KIF1B: variants seen among roughly 807,000 people sequenced by gnomAD.
KIF1B encodes the protein kinesin-like protein KIF1B.
A neutral mutation model predicts 241.9 loss-of-function variants in KIF1B; 76 were observed. That is an observed-to-expected ratio of 0.31 (90% CI 0.26 to 0.38). The LOEUF is 0.38. Among genes scored for constraint, KIF1B ranks in the 10% least tolerant of loss-of-function variants. KIF1B has a pLI of 1.00. For missense variants in KIF1B, 1,622 were observed against 2,271.4 expected (o/e 0.71, Z 5.81); for synonymous variants, 750 against 796.7 (o/e 0.94, Z 0.99).
intron 8 of KIF1B, 55 bp from the exon 9 acceptor site, chr1:10,272,186 A>G (rs1019790494): frequency 8.8e-6 from 9 of 1,025,614 alleles, no homozygotes; most frequent in Non-Finnish European, 1.4e-5. Context: ...GTTCTGTATG[A>G]TATAGCAGTA....
At chr1:10,302,266 T>C (rs1425858959) in intron 22 of KIF1B, among the ~76,000 whole-genome samples, 1 of 152,190 alleles carries the variant, frequency 6.6e-6, no homozygotes, top group Non-Finnish European at 1.5e-5. Context: ...TTGATTTGTG[T>C]GTGTGAAAAA....
chr1:10,215,199 G>T (rs1383534909), intron 1 of KIF1B, among the ~76,000 whole-genome samples: 1 of 90,384 alleles, frequency 1.1e-5, no homozygotes, highest in African/African-American at 4.6e-5. Flanking sequence ...TTTTTGAGAC[G>T]GAGTTTCACT....
At chr1:10,276,652 A>G (rs1177998529) in intron 12 of KIF1B, among the ~76,000 whole-genome samples, 1 of 152,240 alleles carries the variant, frequency 6.6e-6, no homozygotes, top group African/African-American at 2.4e-5. Context: ...TAGATAAGGC[A>G]GGAGCTTTTT....
At chr1:10,283,815 T>G (rs1649554012) in intron 15 of KIF1B, among the ~76,000 whole-genome samples, 1 of 152,262 alleles carries the variant, frequency 6.6e-6, no homozygotes, top group Non-Finnish European at 1.5e-5. Flanking sequence ...GCCAGCAGTC[T>G]TCTTCACAGT....
rs70998362 is a variant in KIF1B at position 10,216,957 on chromosome 1, C to CTTTTTTT, written c.-80+6107_-80+6113dup. ...TTTCCCTGCAGTACTTGCCCATTTT[C>CTTTTTTT]TTTTTTTTTTTTTTTTTTTTTTTTT... On this transcript the variant is annotated intron_variant, in intron 1 of 48. Coordinates refer to ENST00000676179, the MANE Select transcript of KIF1B (RefSeq NM_001365951.3). Among the ~76,000 whole-genome samples, 298 of 54,548 alleles carry CTTTTTTT rather than the reference C, an allele frequency of 5.5e-3. 19 individuals are homozygous for CTTTTTTT. The highest frequency in any genetic ancestry group is 0.018 in the East Asian group (21 of 1,172). The allele number at this position is 54,548 out of a possible 152,430, so 35.8% of individuals were successfully genotyped here.
intron 7 of KIF1B, among the ~76,000 whole-genome samples, chr1:10,270,801 C>T (rs1462981580): frequency 1.3e-5 from 2 of 151,810 alleles, no homozygotes; most frequent in African/African-American, 4.8e-5. Context: ...TGGTGGGCGC[C>T]TGTAAGCTCA....
rs575285640 is a variant in KIF1B, at chr1:10,230,593, A to G, written c.-79-1657A>G. ...TGGGATTACAGGTGTGTGCCACCAC[A>G]CCTGGTTAATTTTTGTATTTTTAAT... On this transcript the variant is annotated intron_variant, in intron 1 of 48. Transcript: ENST00000676179. Among the ~76,000 whole-genome samples, 5 of 151,878 alleles carry G rather than the reference A, an allele frequency of 3.3e-5. No homozygotes were observed. The South Asian group carries it at 1.0e-3, about 32-fold the overall frequency.
At position 10,303,339 on chromosome 1, in the gene KIF1B, C is replaced by G. The variant is rs760626976; in HGVS notation, c.2115+6093C>G. The G allele has an allele frequency of 6.2e-7, 1 of 1,614,138 alleles. No individual in the cohort carries two copies. The highest frequency in any genetic ancestry group is 8.5e-7 in the Non-Finnish European group (1 of 1,180,032). On this transcript the variant is annotated intron_variant, in intron 22 of 48. Coordinates refer to ENST00000676179, the MANE Select transcript of KIF1B (RefSeq NM_001365951.3). This position sits in a 1 kb window ranked among gnomAD's most constrained non-coding sequence, Gnocchi z 5.2. Reference sequence around the variant, plus strand: ...AACCAATTAAAATGTATCAGATACCCCAAAGAAGGCGCTTGAGTAAAGATT... The same window carrying G: ...AACCAATTAAAATGTATCAGATACCGCAAAGAAGGCGCTTGAGTAAAGATT...
chr1:10,275,942 G>C (rs912506343), intron 11 of KIF1B, among the ~76,000 whole-genome samples: 17 of 145,822 alleles, frequency 1.2e-4, no homozygotes, highest in African/African-American at 4.3e-4. Flanking sequence ...AGTTCGTGCT[G>C]TTGCCCAGGC....
At chr1:10,236,877 TG>T in intron 2 of KIF1B, among the ~76,000 whole-genome samples, 1 of 152,202 alleles carries the variant, frequency 6.6e-6, no homozygotes, top group Non-Finnish European at 1.5e-5. Flanking sequence ...GAAGTGGGCA[TG>T]CATTTTGAAC....
chr1:10,226,373 T>TGG, intron 1 of KIF1B, among the ~76,000 whole-genome samples: 1 of 152,240 alleles, frequency 6.6e-6, no homozygotes, highest in African/African-American at 2.4e-5. Flanking sequence ...TGTGTATGTA[T>TGG]GGGGACATTA....
intron 2 of KIF1B, among the ~76,000 whole-genome samples, chr1:10,236,956 C>T (rs1017162094): frequency 6.6e-6 from 1 of 152,010 alleles, no homozygotes; most frequent in African/African-American, 2.4e-5. Flanking sequence ...GCTTTGCTGG[C>T]AAGCTGGCCT....
chr1:10,268,119 C>G (rs755900709), intron 6 of KIF1B, 33 bp from the exon 7 acceptor site: 1 of 1,429,798 alleles, frequency 7.0e-7, no homozygotes, highest in Admixed American at 1.7e-5. Flanking sequence ...CTAAGAATTC[C>G]CTTGTCACGT....
chr1:10,372,662 AGCTGTCACCCAAGCT>A (rs1288183403), intron 45 of KIF1B, among the ~76,000 whole-genome samples: 1 of 113,750 alleles, frequency 8.8e-6, no homozygotes, highest in Non-Finnish European at 1.8e-5. Flanking sequence ...TGGGTGACAG[AGCTGTCACCCAAGCT>A]GGCGCGCAGC....
chr1:10,343,810 A>G (rs535757566), intron 34 of KIF1B, among the ~76,000 whole-genome samples: 184 of 152,286 alleles, frequency 1.2e-3, no homozygotes, highest in African/African-American at 4.2e-3. Context: ...ACAAGAAGTA[A>G]GAAACAATAG....
chr1:10,334,637 A>C lies in KIF1B; in HGVS notation c.3042A>C (p.Ala1014=), dbSNP rs748192983. 1.1e-4 allele frequency: 185 copies of C among 1,610,390 alleles called. No individual in the cohort carries two copies. The highest frequency in any genetic ancestry group is 1.5e-4 in the Non-Finnish European group (181 of 1,176,792). The change falls in exon 28 of 49, where the codon GCA becomes GCC. Residue 1014 remains alanine (A), a splice_region_variant and synonymous_variant. Transcript: ENST00000676179. ...TGCGTGTGGCTGTACAGGCCATCGCAGGTAGGTGACCCTCTTCTGAAATGA... is the reference window on the plus strand; with the variant it reads ...TGCGTGTGGCTGTACAGGCCATCGCCGGTAGGTGACCCTCTTCTGAAATGA... ...GFLRVAVQAI[A]ADEEAPDYGS...
chr1:10,373,452 C>G (rs1341962032), intron 45 of KIF1B, among the ~76,000 whole-genome samples: 1 of 149,774 alleles, frequency 6.7e-6, no homozygotes, highest in Non-Finnish European at 1.5e-5. Context: ...TCAGGCTGGT[C>G]TCAAACTCCT....
chr1:10,251,976 T>C (rs1411340490), intron 2 of KIF1B, among the ~76,000 whole-genome samples: 1 of 152,176 alleles, frequency 6.6e-6, no homozygotes, highest in African/African-American at 2.4e-5. Context: ...GTAGAGTTTG[T>C]GTGGTCATTC....
intron 23 of KIF1B, among the ~76,000 whole-genome samples, chr1:10,320,813 G>T (rs576593436): frequency 2.4e-5 from 2 of 84,434 alleles, no homozygotes; most frequent in African/African-American, 2.9e-4. Flanking sequence ...TGCAACCTCC[G>T]CCTCCTGCCT....
Sources: gnomAD v4.1 joint callset for allele counts (sites outside exome capture counted in the v4.1 genomes callset) on GRCh38, gnomAD v4.1.1 for gene constraint, Gnocchi (gnomAD v3.1) non-coding constraint, MANE v1.5 for transcripts, NCBI Gene and HGNC (gene_info 2026-07-23, HGNC 2026-07-21) for gene names.